The following JAM3 variants were observed in gnomAD, a reference collection of about 807,000 sequenced individuals.
JAM3 encodes junctional adhesion molecule 3.
JAM3 carries 31 observed loss-of-function variants against 39.4 expected under a neutral mutation model. The observed-to-expected ratio is 0.79, with a 90% CI of 0.59 to 1.06. JAM3 has a LOEUF of 1.06. JAM3 is among the 50% of genes least tolerant of loss of function. The pLI, the probability that JAM3 is intolerant of heterozygous loss-of-function variation, is 0.00. For synonymous variants in JAM3, 182 were observed against 148.7 expected (o/e 1.22, Z -1.63); for missense variants, 455 against 391.4 (o/e 1.16, Z -1.37).
chr11:134,109,233 A>C (rs1457652876), intron 1 of JAM3, among the ~76,000 whole-genome samples: 1 of 152,182 alleles, frequency 6.6e-6, no homozygotes, highest in Admixed American at 6.5e-5. Flanking sequence ...AAGTGCTGGG[A>C]TTACAGGCGT....
chr11:134,074,423 G>T (rs891229294), intron 1 of JAM3, among the ~76,000 whole-genome samples: 1 of 152,186 alleles, frequency 6.6e-6, no homozygotes. Context: ...TGTTTAATGT[G>T]ATAGCATGTG....
Position 134,151,933 on chromosome 11 carries a change from G to A in JAM3, c.*2752G>A, listed in dbSNP as rs1397860260. 6.6e-6 allele frequency: 1 copy of A among 152,172 alleles called. No individual in the cohort carries two copies. Among genetic ancestry groups the A allele is most frequent in the Admixed American group, 6.5e-5 (1 of 15,280 alleles). The allele number at this position is 152,172 out of a possible 1,614,324, so 9.4% of individuals were successfully genotyped here. On this transcript the variant is annotated 3_prime_UTR_variant, in exon 9 of 9. Coordinates refer to ENST00000299106, the MANE Select transcript of JAM3 (RefSeq NM_032801.5). ...CAGTGCTGCGCCTCTCCGCCACCGA[G>A]CCCACCTGTGTTGCGGTTCCCACTT... is the stretch of plus-strand genomic sequence containing the variant.
chr11:134,113,191 ACTGT>A (rs1191026603), intron 1 of JAM3, among the ~76,000 whole-genome samples: 3 of 141,748 alleles, frequency 2.1e-5, no homozygotes, highest in African/African-American at 8.3e-5. Flanking sequence ...CTGGGACTGG[ACTGT>A]CTGGTTTTTT....
At chr11:134,123,389 C>G (rs149333177) in intron 1 of JAM3, among the ~76,000 whole-genome samples, 20 of 151,930 alleles carry the variant, frequency 1.3e-4, no homozygotes, top group Non-Finnish European at 2.6e-4. Flanking sequence ...CCCCCCCCCC[C>G]CAAAAAAGGG....
chr11:134,144,004 C>G (rs927343901), intron 3 of JAM3, among the ~76,000 whole-genome samples: 11 of 152,034 alleles, frequency 7.2e-5, no homozygotes, highest in Non-Finnish European at 1.3e-4. Context: ...GACGGAGACA[C>G]ATGGTAATGA....
intron 1 of JAM3, among the ~76,000 whole-genome samples, chr11:134,123,587 A>C (rs1270433530): frequency 6.6e-6 from 1 of 152,220 alleles, no homozygotes; most frequent in Non-Finnish European, 1.5e-5. Flanking sequence ...ACTAGGAGCA[A>C]AATCATCCTT....
intron 4 of JAM3, 40 bp downstream of exon 4, chr11:134,144,433 ATG>A: frequency 6.2e-7 from 1 of 1,609,010 alleles, no homozygotes; most frequent in East Asian, 2.2e-5. Context: ...CCACCATAGG[ATG>A]CAAGAGATCA....
At chr11:134,108,000 C>A (rs1205342608) in intron 1 of JAM3, among the ~76,000 whole-genome samples, 1 of 151,504 alleles carries the variant, frequency 6.6e-6, no homozygotes, top group Non-Finnish European at 1.5e-5. Context: ...CAGAAAAAAA[C>A]CAGTAAGTCC....
intron 1 of JAM3, among the ~76,000 whole-genome samples, chr11:134,118,782 T>TC (rs987132733): frequency 3.9e-5 from 6 of 152,136 alleles, no homozygotes; most frequent in African/African-American, 9.7e-5. Context: ...AATAATTTCC[T>TC]CCCCATGATA....
intron 1 of JAM3, among the ~76,000 whole-genome samples, chr11:134,075,176 A>C (rs1941546210): frequency 6.6e-6 from 1 of 152,192 alleles, no homozygotes; most frequent in African/African-American, 2.4e-5. Context: ...GGGAACATAT[A>C]GTTTAGTCAA....
At chr11:134,116,185 CATA>C (rs1942429123) in intron 1 of JAM3, among the ~76,000 whole-genome samples, 1 of 152,064 alleles carries the variant, frequency 6.6e-6, no homozygotes, top group South Asian at 2.1e-4. Flanking sequence ...CTAAAATTAC[CATA>C]ATAATTAATA....
At chr11:134,125,152 G>A (rs1452373809) in intron 1 of JAM3, among the ~76,000 whole-genome samples, 1 of 152,178 alleles carries the variant, frequency 6.6e-6, no homozygotes, top group Non-Finnish European at 1.5e-5. Context: ...GACGGACAAC[G>A]GCTACAGCCC....
chr11:134,118,658 C>T (rs1432838319), intron 1 of JAM3, among the ~76,000 whole-genome samples: 3 of 152,146 alleles, frequency 2.0e-5, no homozygotes. Flanking sequence ...GCCACCACTC[C>T]TTCTTTGATA....
chr11:134,086,111 A>T (rs553495080), intron 1 of JAM3, among the ~76,000 whole-genome samples: 2 of 152,356 alleles, frequency 1.3e-5, no homozygotes, highest in South Asian at 4.1e-4. Context: ...TGTAATTCCC[A>T]CTTTACAGAA....
chr11:134,090,355 G>A (rs1423207492), intron 1 of JAM3, among the ~76,000 whole-genome samples: 2 of 152,106 alleles, frequency 1.3e-5, no homozygotes, highest in Non-Finnish European at 2.9e-5. Flanking sequence ...ATTGCTTTTG[G>A]TGTTTTAGAC....
intron 1 of JAM3, among the ~76,000 whole-genome samples, chr11:134,124,985 GCGA>G (rs1942616830): frequency 6.6e-6 from 1 of 151,774 alleles, no homozygotes; most frequent in Non-Finnish European, 1.5e-5. Flanking sequence ...TGCGGCAGCG[GCGA>G]CGACACCCCC....
intron 1 of JAM3, among the ~76,000 whole-genome samples, chr11:134,086,838 C>T (rs1328563670): frequency 2.6e-5 from 4 of 151,708 alleles, no homozygotes; most frequent in South Asian, 2.1e-4. Flanking sequence ...TTTTTTGATG[C>T]GGGGTCTTGC....
At chr11:134,085,390 A>T (rs982173975) in intron 1 of JAM3, among the ~76,000 whole-genome samples, 3 of 152,220 alleles carry the variant, frequency 2.0e-5, no homozygotes, top group Non-Finnish European at 4.4e-5. Flanking sequence ...TGGGCATATG[A>T]TGAGGTGATC....
intron 1 of JAM3, chr11:134,124,085 C>A (rs1942590935): frequency 1.3e-6 from 2 of 1,488,580 alleles, no homozygotes; most frequent in Middle Eastern, 2.1e-4. Context: ...ACAGGTTTAA[C>A]CAATCATCTA....
Sources: gnomAD v4.1 joint callset for allele counts (sites outside exome capture counted in the v4.1 genomes callset) on GRCh38, gnomAD v4.1.1 for gene constraint, MANE v1.5 for transcripts, NCBI Gene and HGNC (gene_info 2026-07-23, HGNC 2026-07-21) for gene names.